PPP1R9A: variants seen among roughly 807,000 people sequenced by gnomAD.
PPP1R9A encodes the protein protein phosphatase 1 regulatory subunit 9A, also known as neurabin-1.
A neutral mutation model predicts 141.9 loss-of-function variants in PPP1R9A; 59 were observed. The observed-to-expected ratio is 0.42, with a 90% confidence interval of 0.34 to 0.52. The LOEUF (loss-of-function observed/expected upper bound fraction) is 0.52, where lower values mean the gene tolerates loss of function less well. Ranked by LOEUF, PPP1R9A falls within the 20% of genes least tolerant of loss-of-function variation. The probability of loss-of-function intolerance (pLI) is 0.10; values close to 1 mark genes in which losing one functional copy is unlikely to be tolerated. For missense variants in PPP1R9A, 1,444 were observed against 1,611.9 expected (o/e 0.90, Z 1.78); for synonymous variants, 500 against 569.7 (o/e 0.88, Z 1.74).
chr7:95,072,836 A>T (rs6955315), intron 2 of PPP1R9A, among the ~76,000 whole-genome samples: 3 of 55,000 alleles, frequency 5.5e-5, no homozygotes, highest in South Asian at 3.6e-4. Flanking sequence ...TATATATAAT[A>T]ATTATTATAT....
At chr7:95,153,650 T>C (rs1224745100) in intron 4 of PPP1R9A, among the ~76,000 whole-genome samples, 1 of 152,334 alleles carries the variant, frequency 6.6e-6, no homozygotes, top group East Asian at 1.9e-4. Context: ...TGATACCTTA[T>C]ATTGGTACAT....
chr7:95,257,609 G>T (rs1196631995), intron 12 of PPP1R9A, among the ~76,000 whole-genome samples: 2 of 151,784 alleles, frequency 1.3e-5, no homozygotes, highest in Non-Finnish European at 2.9e-5. Context: ...TTGGTGTGCT[G>T]CACCCATTAA....
At chr7:95,038,000 T>C (rs547586929) in intron 2 of PPP1R9A, among the ~76,000 whole-genome samples, 1 of 150,856 alleles carries the variant, frequency 6.6e-6, no homozygotes, top group African/African-American at 2.4e-5. Context: ...TAATCCCAGC[T>C]ACTCAGAAGG....
Position 94,998,857 on chromosome 7 carries a change from G to A in PPP1R9A, c.1395+87349G>A, listed in dbSNP as rs77023417. Among the ~76,000 whole-genome samples the A allele has an allele frequency of 9.5e-3, 1,442 of 152,074 alleles. 24 individuals carry two copies. Among genetic ancestry groups the A allele is most frequent in the African/African-American group, 0.032 (1,333 of 41,496 alleles). ...ATGGCTCACTGCATCCTTGACCTTG[G>A]GGCTCAAGTGGTCCTTCCATCTCAG... On this transcript the variant is annotated intron_variant, in intron 2 of 19. Transcript: ENST00000433360.
intron 4 of PPP1R9A, among the ~76,000 whole-genome samples, chr7:95,123,219 C>T (rs1160450187): frequency 3.9e-5 from 6 of 152,146 alleles, no homozygotes; most frequent in Non-Finnish European, 5.9e-5. Context: ...TTATTTATAA[C>T]TACATTAGAA....
chr7:95,270,944 C>T (rs570231247), intron 14 of PPP1R9A, among the ~76,000 whole-genome samples: 17 of 152,030 alleles, frequency 1.1e-4, no homozygotes, highest in African/African-American at 3.4e-4. Context: ...ATTATATCAA[C>T]GCTCAGAAGA....
chr7:94,946,132 A>G (rs1795870730), intron 2 of PPP1R9A, among the ~76,000 whole-genome samples: 1 of 152,134 alleles, frequency 6.6e-6, no homozygotes, highest in South Asian at 2.1e-4. Flanking sequence ...ACACATTGGT[A>G]TTTCCAGCAT....
intron 8 of PPP1R9A, among the ~76,000 whole-genome samples, chr7:95,230,685 G>A (rs559632458): frequency 2.4e-4 from 36 of 152,116 alleles, no homozygotes; most frequent in Non-Finnish European, 5.0e-4. Flanking sequence ...AATAATTAGT[G>A]TTCCTGAGGA....
intron 2 of PPP1R9A, among the ~76,000 whole-genome samples, chr7:95,017,250 T>C (rs1223049506): frequency 6.6e-6 from 1 of 152,064 alleles, no homozygotes; most frequent in Non-Finnish European, 1.5e-5. Flanking sequence ...GAAACTGAAA[T>C]ATAGCAAGTA....
chr7:95,219,203 G>T (rs892356835), intron 7 of PPP1R9A, among the ~76,000 whole-genome samples: 1 of 152,016 alleles, frequency 6.6e-6, no homozygotes, highest in African/African-American at 2.4e-5. Flanking sequence ...GTCTGTAAAG[G>T]ATTTTATTTC....
At chr7:95,217,543 T>A (rs1451326279) in intron 7 of PPP1R9A, among the ~76,000 whole-genome samples, 1 of 152,200 alleles carries the variant, frequency 6.6e-6, no homozygotes, top group Admixed American at 6.5e-5. Context: ...TCAGAAGGAA[T>A]GGTACCAGCT....
At chr7:94,945,314 A>G (rs1482734079) in intron 2 of PPP1R9A, among the ~76,000 whole-genome samples, 1 of 152,104 alleles carries the variant, frequency 6.6e-6, no homozygotes, top group Non-Finnish European at 1.5e-5. Flanking sequence ...GACATATACA[A>G]AAGACAGGGA....
At chr7:95,259,985 T>C (rs1477308518) in intron 12 of PPP1R9A, among the ~76,000 whole-genome samples, 2 of 152,192 alleles carry the variant, frequency 1.3e-5, no homozygotes, top group African/African-American at 2.4e-5. Flanking sequence ...TTCAATTTTG[T>C]TTAATCCCCA....
At position 95,288,459 on chromosome 7, in the gene PPP1R9A, G is replaced by A. The variant is rs1805754210; in HGVS notation, c.3730-77G>A. ...CATAAATGTGGCTCTCATAGGTTAA[G>A]AAATTCCTTTTGATAGCATAATATG... On this transcript the variant is annotated intron_variant, in intron 18 of 19. Coordinates refer to ENST00000433360, the MANE Select transcript of PPP1R9A (RefSeq NM_001166160.2). 4 of 1,530,652 alleles carry A rather than the reference G, an allele frequency of 2.6e-6. No individual in the cohort carries two copies. The African/African-American group carries it at 4.1e-5, about 16-fold the overall frequency. The allele number at this position is 1,530,652 out of a possible 1,614,324, so 94.8% of individuals were successfully genotyped here. A position where few individuals can be genotyped will look rare whatever the true frequency, so the allele number is the denominator to read the frequency against.
chr7:94,936,203 A>G (rs1794744837), intron 2 of PPP1R9A, among the ~76,000 whole-genome samples: 1 of 152,098 alleles, frequency 6.6e-6, no homozygotes, highest in African/African-American at 2.4e-5. Context: ...AGTGGTAATT[A>G]TTTGTTATGG....
At chr7:95,125,783 A>G (rs1406267675) in intron 4 of PPP1R9A, among the ~76,000 whole-genome samples, 2 of 152,202 alleles carry the variant, frequency 1.3e-5, no homozygotes, top group Non-Finnish European at 2.9e-5. Flanking sequence ...TTAAGGTTCT[A>G]TGTAGTTTAT....
intron 12 of PPP1R9A, among the ~76,000 whole-genome samples, chr7:95,267,762 G>GTAATACCTAACTT (rs1801527295): frequency 6.6e-6 from 1 of 151,938 alleles, no homozygotes; most frequent in Non-Finnish European, 1.5e-5. Flanking sequence ...GGGGAGAGAA[G>GTAATACCTAACTT]GTATTCACAG....
intron 2 of PPP1R9A, among the ~76,000 whole-genome samples, chr7:95,019,486 A>T (rs1805591511): frequency 6.6e-6 from 1 of 152,234 alleles, no homozygotes; most frequent in African/African-American, 2.4e-5. Context: ...ATTGAAGAAA[A>T]CATTTCCAAA....
intron 5 of PPP1R9A, among the ~76,000 whole-genome samples, chr7:95,178,178 A>G (rs1226948742): frequency 6.6e-6 from 1 of 152,198 alleles, no homozygotes; most frequent in Non-Finnish European, 1.5e-5. Context: ...AATTATGTCA[A>G]GCACTCTTTC....
Sources: gnomAD v4.1 joint callset for allele counts (sites outside exome capture counted in the v4.1 genomes callset) on GRCh38, gnomAD v4.1.1 for gene constraint, MANE v1.5 for transcripts, NCBI Gene and HGNC (gene_info 2026-07-23, HGNC 2026-07-21) for gene names.